FHIT: variants seen among roughly 807,000 people sequenced by gnomAD.
The protein encoded by FHIT is fragile histidine triad diadenosine triphosphatase.
A neutral mutation model predicts 17.9 loss-of-function variants in FHIT; 19 were observed. That is an observed-to-expected ratio of 1.06 (90% confidence interval 0.74 to 1.56). The LOEUF (loss-of-function observed/expected upper bound fraction) is 1.56, where lower values mean the gene tolerates loss of function less well. FHIT is among the 40% of genes most tolerant of loss of function. The pLI is 0.00. For synonymous variants in FHIT, 81 were observed against 69.7 expected, an observed-to-expected ratio of 1.16 and a Z score of -0.81; for missense variants, 248 against 189.2, an observed-to-expected ratio of 1.31 and a Z score of -1.82.
At chr3:60,905,611 T>G (rs1490804539) in intron 3 of FHIT, among the ~76,000 whole-genome samples, 4 of 152,154 alleles carry the variant, frequency 2.6e-5, no homozygotes, top group African/African-American at 9.7e-5. Context: ...TAGTAGTCCT[T>G]TGTGTGAACA....
chr3:60,960,689 G>T (rs1292852024), intron 3 of FHIT, among the ~76,000 whole-genome samples: 4 of 152,146 alleles, frequency 2.6e-5, no homozygotes, highest in Non-Finnish European at 4.4e-5. Context: ...TGCAGTGTTT[G>T]GTTTTCTGTC....
At chr3:60,690,696 G>T (rs573359686) in intron 4 of FHIT, 3 of 457,856 alleles carry the variant, frequency 6.6e-6, no homozygotes, top group Non-Finnish European at 1.3e-5. Context: ...CAGCAATGTC[G>T]AAGAAAACAG....
intron 4 of FHIT, among the ~76,000 whole-genome samples, chr3:60,805,776 G>A (rs1369923508): frequency 6.6e-6 from 1 of 152,028 alleles, no homozygotes; most frequent in Non-Finnish European, 1.5e-5. Flanking sequence ...AGCCAGGATG[G>A]TCTCAATCTC....
chr3:60,571,369 A>C (rs2859794), intron 4 of FHIT, among the ~76,000 whole-genome samples: 109,933 of 120,084 alleles, frequency 0.92, 50,250 homozygotes, highest in East Asian at 0.97. Context: ...AAAAAGAACA[A>C]TGAATGACGT....
intron 4 of FHIT, among the ~76,000 whole-genome samples, chr3:60,651,665 G>A (rs578001654): frequency 5.9e-5 from 9 of 152,008 alleles, no homozygotes; most frequent in South Asian, 2.1e-4. Flanking sequence ...AAAAATGAAC[G>A]GAACACACTT....
rs1700873280 is a variant in FHIT, at chr3:60,383,120, C to G, written c.103+153740G>C. Among the ~76,000 whole-genome samples, 2 of 152,140 alleles carry G rather than the reference C, an allele frequency of 1.3e-5. 1 individual carries two copies. ...TACTAAAATGAATTGGCATTGAAAA[C>G]AGAGCGACAGAAATGTTTACCGATA... is the stretch of plus-strand genomic sequence containing the variant. On this transcript the variant is annotated intron_variant, in intron 5 of 9. Transcript: ENST00000492590.
intron 7 of FHIT, among the ~76,000 whole-genome samples, chr3:59,954,216 G>C (rs1471450308): frequency 2.3e-5 from 2 of 88,098 alleles, no homozygotes; most frequent in South Asian, 6.9e-4. Context: ...AAGTTATTTT[G>C]TTCTGTTTTT....
At chr3:61,069,062 T>G (rs1045249209) in intron 2 of FHIT, among the ~76,000 whole-genome samples, 2 of 152,108 alleles carry the variant, frequency 1.3e-5, no homozygotes, top group Admixed American at 1.3e-4. Flanking sequence ...TAATAGAGAA[T>G]TCTACTAGAA....
intron 5 of FHIT, among the ~76,000 whole-genome samples, chr3:60,326,452 T>C (rs532497197): frequency 1.1e-3 from 151 of 142,346 alleles, no homozygotes; most frequent in Non-Finnish European, 2.1e-3. Context: ...ATCCTGCCGC[T>C]AATCTCACAG....
chr3:59,795,531 T>C (rs115541528), intron 8 of FHIT, among the ~76,000 whole-genome samples: 3,592 of 151,926 alleles, frequency 0.024, 133 homozygotes, highest in African/African-American at 0.081. Context: ...TAAGACAGCC[T>C]AGGCAACATG....
chr3:59,755,458 C>T (rs534618900), intron 8 of FHIT, among the ~76,000 whole-genome samples: 93 of 152,322 alleles, frequency 6.1e-4, no homozygotes, highest in African/African-American at 2.0e-3. Context: ...GCCTGGCTAA[C>T]GGAGAGAAAG....
chr3:59,804,379 A>G (rs1008914864), intron 8 of FHIT, among the ~76,000 whole-genome samples: 3 of 152,242 alleles, frequency 2.0e-5, no homozygotes, highest in Non-Finnish European at 4.4e-5. Flanking sequence ...CCCTTGAAGA[A>G]GAAGGTACTG....
intron 7 of FHIT, among the ~76,000 whole-genome samples, chr3:59,962,518 G>A (rs1400055805): frequency 6.6e-6 from 1 of 152,208 alleles, no homozygotes; most frequent in African/African-American, 2.4e-5. Flanking sequence ...AGTTTTGGGA[G>A]GGGAGGGAGT....
At chr3:60,238,687 CTGACAGA>C (rs1704949121) in intron 5 of FHIT, among the ~76,000 whole-genome samples, 1 of 152,088 alleles carries the variant, frequency 6.6e-6, no homozygotes, top group African/African-American at 2.4e-5. Flanking sequence ...CTTCCTTTCC[CTGACAGA>C]TGACAAGGCT....
chr3:60,519,721 G>A (rs923083337), intron 5 of FHIT, among the ~76,000 whole-genome samples: 2 of 152,118 alleles, frequency 1.3e-5, no homozygotes, highest in Non-Finnish European at 2.9e-5. Context: ...ACATATCAAG[G>A]AATTTAACCT....
chr3:60,461,883 G>T (rs1331812624), intron 5 of FHIT, among the ~76,000 whole-genome samples: 1 of 152,054 alleles, frequency 6.6e-6, no homozygotes, highest in Admixed American at 6.6e-5. Context: ...GATTGAAATT[G>T]ATTTTAAAAA....
intron 4 of FHIT, among the ~76,000 whole-genome samples, chr3:60,794,934 T>A (rs1425927142): frequency 6.6e-6 from 1 of 152,218 alleles, no homozygotes; most frequent in Non-Finnish European, 1.5e-5. Context: ...CAAAAGGGCA[T>A]GAGTAAAAAA....
At chr3:60,292,747 T>G (rs1038207333) in intron 5 of FHIT, among the ~76,000 whole-genome samples, 4 of 152,032 alleles carry the variant, frequency 2.6e-5, no homozygotes, top group Non-Finnish European at 5.9e-5. Flanking sequence ...TCAGAAAACA[T>G]CAAGAAAAGC....
At chr3:60,802,748 T>C (rs1184143066) in intron 4 of FHIT, among the ~76,000 whole-genome samples, 1 of 146,942 alleles carries the variant, frequency 6.8e-6, no homozygotes, top group Non-Finnish European at 1.5e-5. Context: ...AGAACAGAGG[T>C]GCCAGCATCA....
Sources: allele counts gnomAD v4.1 joint callset (sites outside exome capture counted in the v4.1 genomes callset), GRCh38; gene constraint gnomAD v4.1.1; transcripts MANE v1.5; gene names NCBI Gene and HGNC (gene_info 2026-07-23, HGNC 2026-07-21).